SPRR1B: variants seen among roughly 807,000 people sequenced by gnomAD.
SPRR1B encodes the protein cornifin-B.
SPRR1B carries 1 observed loss-of-function variant against 1.2 expected under a neutral mutation model. That is an observed-to-expected ratio of 0.82 (90% CI 0.29 to 3.89). The LOEUF (loss-of-function observed/expected upper bound fraction) is 3.89, where lower values mean the gene tolerates loss of function less well. SPRR1B is among the 30% of genes most tolerant of loss of function. SPRR1B has a pLI of 0.18. For synonymous variants in SPRR1B, 37 were observed against 38.3 expected (o/e 0.97, Z 0.13); for missense variants, 102 against 106.0 (o/e 0.96, Z 0.17).
In SPRR1B at chr1:153,032,859, T is replaced by C; in HGVS notation, c.*244T>C. 1.5e-6 allele frequency: 1 copy of C among 673,740 alleles called. No homozygotes were observed. The highest frequency in any genetic ancestry group is 2.4e-5 in the South Asian group (1 of 42,148). 41.7% of individuals were successfully genotyped at this position (673,740 alleles called of 1,614,324 possible). ...AGAGACTTAAGATGAAAGCAAATGA[T>C]TCAGCTCCCTTATACCCCCATTAAA... On this transcript the variant is annotated 3_prime_UTR_variant, in exon 2 of 2. Transcript: ENST00000307098.
In SPRR1B at chr1:153,032,794, T is replaced by A. The variant is rs1348689459; in HGVS notation, c.*179T>A. ...CTCTGAATGAAGCTGAAGGTCTTAG[T>A]ACCAGAGCTAGTTTTCAGCTGCTCA... On this transcript the variant is annotated 3_prime_UTR_variant, in exon 2 of 2. Transcript: ENST00000307098. 2 of 1,177,882 alleles carry A rather than the reference T, an allele frequency of 1.7e-6. No homozygotes were observed. The highest frequency in any genetic ancestry group is 5.2e-5 in the East Asian group (2 of 38,634). 73.0% of individuals were successfully genotyped at this position (1,177,882 alleles called of 1,614,324 possible).
At position 153,031,647 on chromosome 1, in the gene SPRR1B, A is replaced by G. The variant is rs180883494; in HGVS notation, c.-20+400A>G. On this transcript the variant is annotated intron_variant, in intron 1 of 1. Coordinates refer to ENST00000307098, the MANE Select transcript of SPRR1B (RefSeq NM_003125.3). ...ACAGATACTTTTGTGAGAGCTTACT[A>G]TATTTGGCAATTTGTTTGCAAAGAA... is the stretch of plus-strand genomic sequence containing the variant. Among the ~76,000 whole-genome samples the G allele has an allele frequency of 1.2e-3, 183 of 152,334 alleles. 1 individual carries two copies. The Middle Eastern group carries it at 0.014, about 11-fold the overall frequency.
At position 153,032,537 on chromosome 1, in the gene SPRR1B, A is replaced by G. The variant is rs2339500; in HGVS notation, c.192A>G (p.Pro64=). The G allele has an allele frequency of 4.2e-5, 62 of 1,490,408 alleles. No individual in the cohort carries two copies. In the African/African-American group the frequency reaches 7.6e-4, roughly 18 times the overall value. The allele number at this position is 1,490,408 out of a possible 1,614,324, so 92.3% of individuals were successfully genotyped here. A position where few individuals can be genotyped will look rare whatever the true frequency, so the allele number is the denominator to read the frequency against. The part of the protein sequence containing the change: ...PEPCQPKVPE[P]CHPKVPEPCP... ...CCTGCCAGCCCAAGGTTCCAGAGCCATGCCACCCCAAGGTGCCTGAGCCCT... is the reference window on the plus strand; with the variant it reads ...CCTGCCAGCCCAAGGTTCCAGAGCCGTGCCACCCCAAGGTGCCTGAGCCCT... Residue 64 remains proline (P), a synonymous_variant, in exon 2 of 2, where the codon CCA becomes CCG. Transcript: ENST00000307098.
Position 153,032,459 on chromosome 1 carries a change from G to GGAGCCCTGCCACCCCAAGGTGCCT in SPRR1B, c.132_155dup (p.His50_Cys57dup). The GGAGCCCTGCCACCCCAAGGTGCCT allele has an allele frequency of 1.2e-6, 2 of 1,613,182 alleles. No individual in the cohort carries two copies. The highest frequency in any genetic ancestry group is 1.7e-6 in the Non-Finnish European group (2 of 1,179,606). On this transcript the variant is annotated inframe_insertion, in exon 2 of 2. Transcript: ENST00000307098. Reference sequence around the variant, plus strand: ...AGGAACCATGCATCCCCAAAACCAAGGAGCCCTGCCACCCCAAGGTGCCTG... The same window carrying GGAGCCCTGCCACCCCAAGGTGCCT: ...AGGAACCATGCATCCCCAAAACCAAGGAGCCCTGCCACCCCAAGGTGCCTGAGCCCTGCCACCCCAAGGTGCCTG...
Position 153,032,607 on chromosome 1 carries a change from C to G in SPRR1B, c.262C>G (p.Gln88Glu), listed in dbSNP as rs1653745148. ...AGCACCAGCCCAGCAGAAGACCAAG[C>G]AGAAGTAATGTGGTCCACAGCCATG... is the stretch of plus-strand genomic sequence containing the variant. The part of the protein sequence containing the change: ...TPAPAQQKTK[Q>E]K The change falls in exon 2 of 2, where the codon CAG becomes GAG. Residue 88 changes from glutamine to glutamate, a missense_variant. Gln to Glu is a conservative substitution (Grantham distance 29, BLOSUM62 2). Transcript: ENST00000307098. 1 of 1,613,604 alleles carries G rather than the reference C, an allele frequency of 6.2e-7. No individual in the cohort carries two copies.
chr1:153,031,456 T>C (rs1458227561), intron 1 of SPRR1B, among the ~76,000 whole-genome samples: 1 of 152,204 alleles, frequency 6.6e-6, no homozygotes. Context: ...ACATTATCAG[T>C]TCTTCATTCA....
chr1:153,031,485 GA>G (rs1239045920), intron 1 of SPRR1B, among the ~76,000 whole-genome samples: 1 of 152,210 alleles, frequency 6.6e-6, no homozygotes, highest in African/African-American at 2.4e-5. Flanking sequence ...GTGTCAGCAA[GA>G]AGGGGGTTGG....
chr1:153,032,062 G>T (rs756928007), intron 1 of SPRR1B, among the ~76,000 whole-genome samples: 40 of 151,892 alleles, frequency 2.6e-4, no homozygotes, highest in Non-Finnish European at 5.0e-4. Flanking sequence ...ATTTCCAATG[G>T]TCCAGTATTA....
At chr1:153,031,426 T>C (rs1249323018) in intron 1 of SPRR1B, among the ~76,000 whole-genome samples, 179 bp downstream of exon 1, 5 of 152,182 alleles carry the variant, frequency 3.3e-5, no homozygotes, top group Non-Finnish European at 4.4e-5. Context: ...GTTCATACTG[T>C]AGGCTTGAAG....
rs575372386 is a variant in SPRR1B, at chr1:153,032,369, G to A, written c.24G>A (p.Gln8=). MSSQQQK[Q]PCTPPPQLQQ... is the part of the protein sequence containing the mutation. ...GCATGAGTTCCCAGCAGCAGAAGCA[G>A]CCTTGCACCCCACCCCCTCAGCTTC... Residue 8 remains glutamine (Q), a synonymous_variant, in exon 2 of 2, where the codon CAG becomes CAA. Coordinates refer to ENST00000307098, the MANE Select transcript of SPRR1B (RefSeq NM_003125.3). 5.5e-5 allele frequency: 88 copies of A among 1,613,822 alleles called. No individual in the cohort carries two copies. In the South Asian group the frequency reaches 9.1e-4, roughly 17 times the overall value.
At position 153,031,582 on chromosome 1, in the gene SPRR1B, T is replaced by C. The variant is rs150091417; in HGVS notation, c.-20+335T>C. The stretch of plus-strand genomic sequence containing the variant: ...CACTTACCCTGGCATTATAATTCCT[T>C]CTTATTTATAATTTTAATACAGAGA... On this transcript the variant is annotated intron_variant, in intron 1 of 1. Coordinates refer to ENST00000307098, the MANE Select transcript of SPRR1B (RefSeq NM_003125.3). Among the ~76,000 whole-genome samples, 861 of 152,340 alleles carry C rather than the reference T, an allele frequency of 5.7e-3. 7 individuals carry two copies. The highest frequency in any genetic ancestry group is 7.9e-3 in the Non-Finnish European group (535 of 68,032).
At position 153,032,757 on chromosome 1, in the gene SPRR1B, C is replaced by T. The variant is rs1286314547; in HGVS notation, c.*142C>T. 9 of 1,397,142 alleles carry T rather than the reference C, an allele frequency of 6.4e-6. No individual in the cohort carries two copies. The highest frequency in any genetic ancestry group is 8.6e-6 in the Non-Finnish European group (9 of 1,045,720). 86.5% of individuals were successfully genotyped at this position (1,397,142 alleles called of 1,614,324 possible). A position where few individuals can be genotyped will look rare whatever the true frequency, so the allele number is the denominator to read the frequency against. ...ATGTGCTATGAAGCTTTCTTTCCTA[C>T]ACACTCTGAGTCTCTGAATGAAGCT... On this transcript the variant is annotated 3_prime_UTR_variant, in exon 2 of 2. Coordinates refer to ENST00000307098, the MANE Select transcript of SPRR1B (RefSeq NM_003125.3).
intron 1 of SPRR1B, among the ~76,000 whole-genome samples, chr1:153,031,482 C>A (rs1283404104): frequency 6.6e-6 from 1 of 152,114 alleles, no homozygotes; most frequent in East Asian, 1.9e-4. Flanking sequence ...TCTGTGTCAG[C>A]AAGAAGGGGG....
chr1:153,031,356 A>G (rs1557898511), intron 1 of SPRR1B, 109 bp downstream of exon 1: 1 of 152,164 alleles, frequency 6.6e-6, no homozygotes, highest in Non-Finnish European at 1.5e-5. Flanking sequence ...GAATTTGATC[A>G]TAGCCATGCA....
rs371016808 is a variant in SPRR1B, at chr1:153,032,310, A to G, written c.-19-17A>G. Reference sequence around the variant, plus strand: ...TTCCCTATTATTCTCTGCTTAAATCATCTGTTCTGTGTCCAGGACCAGTCA... The same window carrying G: ...TTCCCTATTATTCTCTGCTTAAATCGTCTGTTCTGTGTCCAGGACCAGTCA... On this transcript the variant is annotated splice_polypyrimidine_tract_variant and intron_variant, in intron 1 of 1. Transcript: ENST00000307098. 5.0e-6 allele frequency: 8 copies of G among 1,601,780 alleles called. No individual in the cohort carries two copies. In the African/African-American group the frequency reaches 1.1e-4, roughly 21 times the overall value.
intron 1 of SPRR1B, among the ~76,000 whole-genome samples, chr1:153,031,823 G>A (rs1328750783): frequency 6.6e-6 from 1 of 152,160 alleles, no homozygotes; most frequent in African/African-American, 2.4e-5. Context: ...TTCTAGAGAA[G>A]CCACTAAAAG....
At position 153,032,319 on chromosome 1, in the gene SPRR1B, G is replaced by A. The variant is rs759299067; in HGVS notation, c.-19-8G>A. On this transcript the variant is annotated splice_polypyrimidine_tract_variant and splice_region_variant and intron_variant, in intron 1 of 1. Transcript: ENST00000307098. ...ATTCTCTGCTTAAATCATCTGTTCT[G>A]TGTCCAGGACCAGTCACTGTTGCAG... The A allele has an allele frequency of 6.2e-7, 1 of 1,608,476 alleles. No homozygotes were observed.
intron 1 of SPRR1B, among the ~76,000 whole-genome samples, chr1:153,031,661 G>T (rs1474563816): frequency 6.6e-6 from 1 of 152,120 alleles, no homozygotes; most frequent in Non-Finnish European, 1.5e-5. Context: ...TTGGCAATTT[G>T]TTTGCAAAGA....
chr1:153,032,502 G>A lies in SPRR1B; in HGVS notation c.157G>A (p.Val53Met), dbSNP rs781282352. ...PKVPEPCHPK[V>M]PEPCQPKVPE... The stretch of plus-strand genomic sequence containing the variant: ...GGTGCCTGAGCCCTGCCACCCCAAA[G>A]TGCCCGAGCCCTGCCAGCCCAAGGT... The change falls in exon 2 of 2, where the codon GTG becomes ATG. Residue 53 changes from valine (V) to methionine (M), a missense_variant. Val to Met is a conservative substitution (Grantham distance 21). Transcript: ENST00000307098. The A allele has an allele frequency of 1.3e-6, 2 of 1,492,820 alleles. No homozygotes were observed. The highest frequency in any genetic ancestry group is 1.8e-6 in the Non-Finnish European group (2 of 1,083,396). The allele number at this position is 1,492,820 out of a possible 1,614,324, so 92.5% of individuals were successfully genotyped here.
Sources: gnomAD v4.1 joint callset for allele counts (sites outside exome capture counted in the v4.1 genomes callset) on GRCh38, gnomAD v4.1.1 for gene constraint, MANE v1.5 for transcripts, NCBI Gene and HGNC (gene_info 2026-07-23, HGNC 2026-07-21) for gene names.